SPAG16: variants seen among roughly 807,000 people sequenced by gnomAD.
The protein encoded by SPAG16 is sperm associated antigen 16.
SPAG16 carries 86 observed loss-of-function variants against 80.4 expected under a neutral mutation model. The ratio of observed to expected loss-of-function variants is 1.07; its 90% CI spans 0.90 to 1.28. The LOEUF is 1.28. SPAG16 is among the 50% of genes most tolerant of loss of function. The probability of loss-of-function intolerance (pLI) is 0.00; values close to 1 mark genes in which losing one functional copy is unlikely to be tolerated. For synonymous variants in SPAG16, 294 were observed against 265.9 expected, an observed-to-expected ratio of 1.11 and a Z score of -1.03; for missense variants, 870 against 765.3, an observed-to-expected ratio of 1.14 and a Z score of -1.61.
intron 10 of SPAG16, among the ~76,000 whole-genome samples, chr2:213,497,298 T>A (rs1368187535): frequency 6.6e-6 from 1 of 152,136 alleles, no homozygotes; most frequent in African/African-American, 2.4e-5. Context: ...ATAAATACAT[T>A]ATCTAATTAG....
At chr2:213,627,554 A>G (rs1433347019) in intron 10 of SPAG16, among the ~76,000 whole-genome samples, 2 of 152,124 alleles carry the variant, frequency 1.3e-5, no homozygotes, top group Admixed American at 6.5e-5. Flanking sequence ...TTTTAGTCCT[A>G]TTTTAGCAAT....
intron 9 of SPAG16, among the ~76,000 whole-genome samples, chr2:213,457,663 A>C (rs942541041): frequency 6.6e-6 from 1 of 152,118 alleles, no homozygotes; most frequent in African/African-American, 2.4e-5. Context: ...TCTGCATGGC[A>C]TATACTTTTC....
chr2:213,830,000 C>A (rs932308793), intron 10 of SPAG16, among the ~76,000 whole-genome samples: 1 of 152,126 alleles, frequency 6.6e-6, no homozygotes, highest in African/African-American at 2.4e-5. Flanking sequence ...ACTCTCTTAG[C>A]CACCATGGCT....
At chr2:214,181,776 G>A (rs906479646) in intron 15 of SPAG16, among the ~76,000 whole-genome samples, 2 of 151,742 alleles carry the variant, frequency 1.3e-5, no homozygotes, top group African/African-American at 4.8e-5. Context: ...AAGTAGATGT[G>A]TTTAATTTTT....
chr2:213,504,611 C>T (rs567171066), intron 10 of SPAG16, among the ~76,000 whole-genome samples: 2 of 152,158 alleles, frequency 1.3e-5, no homozygotes, highest in East Asian at 1.9e-4. Context: ...TAAGGATCCA[C>T]TTGAAGTTTG....
intron 15 of SPAG16, among the ~76,000 whole-genome samples, chr2:214,153,955 T>C (rs1307072009): frequency 6.6e-6 from 1 of 152,132 alleles, no homozygotes; most frequent in Non-Finnish European, 1.5e-5. Context: ...CAGATACATG[T>C]GTATAGTAGT....
intron 11 of SPAG16, among the ~76,000 whole-genome samples, chr2:213,901,007 A>AT (rs2077198760): frequency 6.6e-6 from 1 of 152,154 alleles, no homozygotes; most frequent in Non-Finnish European, 1.5e-5. Context: ...AATTTTAAAT[A>AT]TTTTGTATCA....
chr2:213,916,273 C>T (rs1229328309), intron 11 of SPAG16, among the ~76,000 whole-genome samples: 2 of 152,194 alleles, frequency 1.3e-5, no homozygotes, highest in Non-Finnish European at 2.9e-5. Context: ...TTTAATCCAT[C>T]ATGAGTTAAT....
intron 10 of SPAG16, among the ~76,000 whole-genome samples, chr2:213,832,827 C>A (rs1032698100): frequency 6.6e-6 from 1 of 152,084 alleles, no homozygotes. Flanking sequence ...TGTAAATCTT[C>A]GATTAAATAA....
At position 213,383,980 on chromosome 2, in the gene SPAG16, G is replaced by T. The variant is rs7420481; in HGVS notation, c.942+8861G>T. The stretch of plus-strand genomic sequence containing the variant: ...ATTTGCCGGATCAATGACTACACAC[G>T]ATGTGCCTGAGTACATGTTAATCTG... On this transcript the variant is annotated intron_variant, in intron 9 of 15. Transcript: ENST00000331683. 8.6e-3 allele frequency among the ~76,000 whole-genome samples: 1,307 copies of T among 152,234 alleles called. 13 individuals are homozygous for T. The highest frequency in any genetic ancestry group is 0.027 in the Middle Eastern group (8 of 294).
At chr2:213,801,375 T>A (rs1044873190) in intron 10 of SPAG16, among the ~76,000 whole-genome samples, 14 of 152,284 alleles carry the variant, frequency 9.2e-5, no homozygotes, top group South Asian at 4.1e-4. Flanking sequence ...TTCTGTCATT[T>A]ATTTCCATTG....
At chr2:213,708,709 C>T (rs889818436) in intron 10 of SPAG16, among the ~76,000 whole-genome samples, 1 of 152,026 alleles carries the variant, frequency 6.6e-6, no homozygotes, top group Non-Finnish European at 1.5e-5. Context: ...TCACTTGAAC[C>T]CAGGAGGCAG....
chr2:213,711,008 AT>A (rs982474928), intron 10 of SPAG16, among the ~76,000 whole-genome samples: 108 of 152,326 alleles, frequency 7.1e-4, no homozygotes, highest in African/African-American at 2.5e-3. Context: ...ACGAAAACCT[AT>A]AGCAATTACC....
At chr2:213,724,956 C>A (rs1243568089) in intron 10 of SPAG16, among the ~76,000 whole-genome samples, 1 of 151,860 alleles carries the variant, frequency 6.6e-6, no homozygotes, top group African/African-American at 2.4e-5. Flanking sequence ...AACAAATAGG[C>A]CAGTATGCAC....
intron 10 of SPAG16, among the ~76,000 whole-genome samples, chr2:213,745,878 C>T (rs2067797629): frequency 6.6e-6 from 1 of 152,146 alleles, no homozygotes; most frequent in Admixed American, 6.5e-5. Flanking sequence ...TTTGATGGTA[C>T]ACTTTTAACA....
chr2:214,380,136 C>T (rs1339448994), intron 15 of SPAG16, among the ~76,000 whole-genome samples: 1 of 152,174 alleles, frequency 6.6e-6, no homozygotes, highest in African/African-American at 2.4e-5. Flanking sequence ...AGATTTATGT[C>T]ATTATTCAAG....
chr2:214,083,125 C>T (rs2051493402), intron 13 of SPAG16, among the ~76,000 whole-genome samples: 1 of 152,180 alleles, frequency 6.6e-6, no homozygotes, highest in South Asian at 2.1e-4. Flanking sequence ...GTCAATAATA[C>T]TACCATCTAT....
Position 214,221,849 on chromosome 2 carries a change from G to T in SPAG16, c.1720+72583G>T, listed in dbSNP as rs183812988. On this transcript the variant is annotated intron_variant, in intron 15 of 15. Transcript: ENST00000331683. ...TTATGTTTGGGGTTGGTTTTGATGA[G>T]TGTAGTAGCATGATATTTTTTAGAA... Among the ~76,000 whole-genome samples the T allele has an allele frequency of 2.0e-5, 3 of 152,028 alleles. No individual in the cohort carries two copies. In the East Asian group the frequency reaches 5.8e-4, roughly 29 times the overall value.
At chr2:214,045,479 A>G (rs1322991688) in intron 13 of SPAG16, among the ~76,000 whole-genome samples, 1 of 152,184 alleles carries the variant, frequency 6.6e-6, no homozygotes, top group Non-Finnish European at 1.5e-5. Context: ...TGTGGTAACT[A>G]TGGGGAGAGA....
Sources: allele counts gnomAD v4.1 joint callset (sites outside exome capture counted in the v4.1 genomes callset), GRCh38; gene constraint gnomAD v4.1.1; transcripts MANE v1.5; gene names NCBI Gene and HGNC (gene_info 2026-07-23, HGNC 2026-07-21).